Variants in ACOXL observed in about 807,000 individuals in gnomAD.
The protein encoded by ACOXL is acyl-CoA oxidase like.
Under a neutral mutation model 71.9 loss-of-function variants are expected in ACOXL, and 70 were observed. That is an observed-to-expected ratio of 0.97 (90% CI 0.80 to 1.19). The LOEUF is 1.19. Ranked by LOEUF, ACOXL falls within the 50% of genes most tolerant of loss-of-function variation. The pLI is 0.00. For missense variants in ACOXL, 703 were observed against 736.3 expected (o/e 0.95, Z 0.52); for synonymous variants, 253 against 281.6 (o/e 0.90, Z 1.02).
intron 2 of ACOXL, among the ~76,000 whole-genome samples, chr2:110,776,076 T>C (rs1356015084): frequency 6.6e-6 from 1 of 152,230 alleles, no homozygotes; most frequent in East Asian, 1.9e-4. Context: ...TACAATGGGA[T>C]GTTATTCAGC....
At chr2:110,807,141 G>A (rs1686750855) in intron 9 of ACOXL, among the ~76,000 whole-genome samples, 1 of 152,204 alleles carries the variant, frequency 6.6e-6, no homozygotes, top group African/African-American at 2.4e-5. Context: ...CTTCATTCCC[G>A]GCAACACGGA....
intron 10 of ACOXL, among the ~76,000 whole-genome samples, 154 bp from the exon 11 acceptor site, chr2:110,908,635 G>C (rs2059543435): frequency 2.6e-5 from 4 of 152,190 alleles, no homozygotes; most frequent in Admixed American, 2.6e-4. Flanking sequence ...AGAAACTTAG[G>C]CTGTCTTGCC....
chr2:110,805,322 G>T lies in ACOXL; in HGVS notation c.680G>T (p.Arg227Ile), dbSNP rs1686503697. ...YHSPIRNKSA[R>I]FNAMLAALTP... is the part of the protein sequence containing the mutation. The stretch of plus-strand genomic sequence containing the variant: ...TCGCCTATTAGGAACAAGAGTGCAA[G>T]ATTCAATGCCATGCTGGCAGCACTG... Residue 227 changes from arginine to isoleucine, a missense_variant, in exon 9 of 18, where the codon AGA becomes ATA. Coordinates refer to ENST00000439055, the MANE Select transcript of ACOXL (RefSeq NM_001142807.4). 1.9e-6 allele frequency: 3 copies of T among 1,614,260 alleles called. No homozygotes were observed.
rs572829149 is a variant in ACOXL, at chr2:110,809,673, G to A, written c.753+4278G>A. ...GAGAGTCTCTCCCTGCTGTTGATGG[G>A]GGTTTGAAATGGGTTATTGCATCCT... On this transcript the variant is annotated intron_variant, in intron 9 of 17. Transcript: ENST00000439055. Among the ~76,000 whole-genome samples, 4 of 152,330 alleles carry A rather than the reference G, an allele frequency of 2.6e-5. No individual in the cohort carries two copies. In the East Asian group the frequency reaches 7.7e-4, roughly 29 times the overall value.
chr2:111,053,215 A>G (rs1020015102), intron 16 of ACOXL, among the ~76,000 whole-genome samples: 1 of 152,176 alleles, frequency 6.6e-6, no homozygotes, highest in Non-Finnish European at 1.5e-5. Context: ...GAATGAACCA[A>G]CCTGGCCTTC....
intron 7 of ACOXL, among the ~76,000 whole-genome samples, chr2:110,800,877 G>A (rs924162364): frequency 6.6e-6 from 1 of 152,182 alleles, no homozygotes; most frequent in Non-Finnish European, 1.5e-5. Flanking sequence ...GGTAGACTGA[G>A]CTCTGTGAAG....
At chr2:110,886,493 C>G (rs937070260) in intron 10 of ACOXL, among the ~76,000 whole-genome samples, 1 of 151,728 alleles carries the variant, frequency 6.6e-6, no homozygotes, top group Non-Finnish European at 1.5e-5. Context: ...TCTCCTGCCT[C>G]AGCCTCCTGA....
chr2:110,922,451 G>A (rs1241974219), intron 11 of ACOXL, among the ~76,000 whole-genome samples: 1 of 152,112 alleles, frequency 6.6e-6, no homozygotes, highest in Non-Finnish European at 1.5e-5. Flanking sequence ...AGGCAAGACT[G>A]TGTATACATT....
Position 110,784,810 on chromosome 2 carries a change from G to C in ACOXL, c.154G>C (p.Val52Leu). 1 of 1,601,834 alleles carries C rather than the reference G, an allele frequency of 6.2e-7. No homozygotes were observed. Among genetic ancestry groups the C allele is most frequent in the Non-Finnish European group, 8.5e-7 (1 of 1,175,962 alleles). ...CTCCATGGCGGACATGGCCACAGGAGTGAAGGTGAGAGGCGCCGGGCACCT... is the reference window on the plus strand; with the variant it reads ...CTCCATGGCGGACATGGCCACAGGACTGAAGGTGAGAGGCGCCGGGCACCT... ...VLSMADMATG[V>L]KCGIIYWLFG... is the part of the protein sequence containing the mutation. Residue 52 changes from valine to leucine, a missense_variant, in exon 3 of 18, where the codon GTG becomes CTG. Physicochemically the swap from Val to Leu is conservative, Grantham distance 32 (BLOSUM62 1). Transcript: ENST00000439055.
In ACOXL at chr2:110,809,978, G is replaced by A. The variant is rs200814712; in HGVS notation, c.753+4583G>A. 1.1e-4 allele frequency among the ~76,000 whole-genome samples: 16 copies of A among 152,248 alleles called. 1 individual carries two copies. In the East Asian group the frequency reaches 2.9e-3, roughly 28 times the overall value. ...ACAGCTCCAGAGAGGTCCTGATGTCGATGTCCTCACCAGGGTGTCTGGCTC... is the reference window on the plus strand; with the variant it reads ...ACAGCTCCAGAGAGGTCCTGATGTCAATGTCCTCACCAGGGTGTCTGGCTC... On this transcript the variant is annotated intron_variant, in intron 9 of 17. Transcript: ENST00000439055.
chr2:110,910,740 A>G (rs557154395), intron 11 of ACOXL, among the ~76,000 whole-genome samples: 93 of 152,278 alleles, frequency 6.1e-4, no homozygotes, highest in African/African-American at 2.1e-3. Context: ...TGGCCATTGT[A>G]TATCTTCTCT....
chr2:110,999,513 T>C (rs1466316361), intron 14 of ACOXL, among the ~76,000 whole-genome samples: 1 of 152,158 alleles, frequency 6.6e-6, no homozygotes, highest in Non-Finnish European at 1.5e-5. Flanking sequence ...ATACATTTTG[T>C]CCTCCAAGAT....
rs760077668 is a variant in ACOXL at position 110,915,333 on chromosome 2, ATT to A, written c.905+6431_905+6432del. On this transcript the variant is annotated intron_variant, in intron 11 of 17. Coordinates refer to ENST00000439055, the MANE Select transcript of ACOXL (RefSeq NM_001142807.4). ...TTCTTTGAAATTTTTTGTTATATGCATTTTATATATATATATATGTGTGTGTG... is the reference window on the plus strand; with the variant it reads ...TTCTTTGAAATTTTTTGTTATATGCATTATATATATATATATGTGTGTGTG... Among the ~76,000 whole-genome samples, 84 of 99,276 alleles carry A rather than the reference ATT, an allele frequency of 8.5e-4. 2 individuals carry two copies. The South Asian group carries it at 0.029, about 35-fold the overall frequency. The allele number at this position is 99,276 out of a possible 152,430, so 65.1% of individuals were successfully genotyped here.
chr2:111,028,586 G>A lies in ACOXL; in HGVS notation c.1282-3041G>A, dbSNP rs35020591. ...TCTTCTACTTGAACTTAAGGGGAAAGCACTCAGCCTTTACCTTTAAGTATG... is the reference window on the plus strand; with the variant it reads ...TCTTCTACTTGAACTTAAGGGGAAAACACTCAGCCTTTACCTTTAAGTATG... On this transcript the variant is annotated intron_variant, in intron 14 of 17. Transcript: ENST00000439055. Among the ~76,000 whole-genome samples the A allele has an allele frequency of 9.1e-3, 1,389 of 152,174 alleles. 14 individuals are homozygous for A. Among genetic ancestry groups the A allele is most frequent in the Middle Eastern group, 0.031 (9 of 294 alleles).
intron 10 of ACOXL, among the ~76,000 whole-genome samples, chr2:110,873,368 C>T (rs1558653834): frequency 6.6e-6 from 1 of 152,174 alleles, no homozygotes. Flanking sequence ...CCAGTGTGGA[C>T]TCAACCTCAG....
intron 12 of ACOXL, among the ~76,000 whole-genome samples, chr2:110,953,660 A>G (rs968422532): frequency 1.3e-5 from 2 of 152,164 alleles, no homozygotes; most frequent in Non-Finnish European, 2.9e-5. Flanking sequence ...ACACTGCTAT[A>G]AAGAACTACC....
At chr2:110,978,993 A>G (rs2149516358) in intron 12 of ACOXL, among the ~76,000 whole-genome samples, 1 of 152,244 alleles carries the variant, frequency 6.6e-6, no homozygotes, top group African/African-American at 2.4e-5. Context: ...TGACACACAC[A>G]TGCACATGAG....
chr2:110,782,980 A>T (rs1275376107), intron 2 of ACOXL, among the ~76,000 whole-genome samples: 1 of 152,196 alleles, frequency 6.6e-6, no homozygotes, highest in Non-Finnish European at 1.5e-5. Flanking sequence ...TGGACCGATG[A>T]GGAAGGCTGG....
intron 11 of ACOXL, among the ~76,000 whole-genome samples, chr2:110,918,102 A>G (rs1022767734): frequency 1.3e-5 from 2 of 152,212 alleles, no homozygotes; most frequent in Non-Finnish European, 2.9e-5. Flanking sequence ...CATAGCCAAG[A>G]CAATCCTAAG....
Sources: gnomAD v4.1 joint callset for allele counts (sites outside exome capture counted in the v4.1 genomes callset) on GRCh38, gnomAD v4.1.1 for gene constraint, MANE v1.5 for transcripts, NCBI Gene and HGNC (gene_info 2026-07-23, HGNC 2026-07-21) for gene names.